The following ACP1 variants were observed in gnomAD, a reference collection of about 807,000 sequenced individuals.
ACP1 encodes the protein acid phosphatase 1.
Under a neutral mutation model 23.4 loss-of-function variants are expected in ACP1, and 23 were observed. That is an observed-to-expected ratio of 0.98 (90% CI 0.71 to 1.39). The LOEUF (loss-of-function observed/expected upper bound fraction) is 1.39, where lower values mean the gene tolerates loss of function less well. ACP1 is among the 40% of genes most tolerant of loss of function. The pLI, the probability that ACP1 is intolerant of heterozygous loss-of-function variation, is 0.00. For synonymous variants in ACP1, 72 were observed against 67.2 expected (o/e 1.07, Z -0.35); for missense variants, 180 against 197.7 (o/e 0.91, Z 0.54).
At chr2:269,917 C>T (rs756128228) in intron 1 of ACP1, among the ~76,000 whole-genome samples, 24 of 152,176 alleles carry the variant, frequency 1.6e-4, no homozygotes, top group Admixed American at 6.5e-5. Context: ...GCATCAAAAC[C>T]GTTTCCCTGG....
chr2:274,961 C>T, intron 3 of ACP1, 179 bp from the exon 4 acceptor site: 1 of 386,212 alleles, frequency 2.6e-6, no homozygotes, highest in Non-Finnish European at 4.6e-6. Flanking sequence ...CTTTGCAGTA[C>T]AATTTTGAGA....
Position 278,115 on chromosome 2 carries a change from A to G in ACP1, c.*811A>G, listed in dbSNP as rs1670227112. On this transcript the variant is annotated 3_prime_UTR_variant, in exon 6 of 6. Transcript: ENST00000272065. Reference sequence around the variant, plus strand: ...TTTAAAATAATTTTAAAAGTTGGGAAAAGTGTTATTATTTGGCATGCTTAA... The same window carrying G: ...TTTAAAATAATTTTAAAAGTTGGGAGAAGTGTTATTATTTGGCATGCTTAA... The G allele has an allele frequency of 6.6e-6, 1 of 152,240 alleles. No homozygotes were observed. Among genetic ancestry groups the G allele is most frequent in the African/African-American group, 2.4e-5 (1 of 41,456 alleles). The allele number at this position is 152,240 out of a possible 1,614,324, so 9.4% of individuals were successfully genotyped here.
In ACP1 at chr2:273,426, A is replaced by G. The variant is rs149647135; in HGVS notation, c.231+1276A>G. 3.5e-3 allele frequency among the ~76,000 whole-genome samples: 532 copies of G among 152,352 alleles called. 14 individuals carry two copies. The highest frequency in any genetic ancestry group is 0.031 in the Admixed American group (467 of 15,298). On this transcript the variant is annotated intron_variant, in intron 3 of 5. Coordinates refer to ENST00000272065, the MANE Select transcript of ACP1 (RefSeq NM_004300.4). ...AGTTTTAGCAGGAAGAGAAGTGGCA[A>G]GTGGCAGGAGTCTGCAGATTGGGGC...
intron 3 of ACP1, 67 bp downstream of exon 3, chr2:272,217 C>T: frequency 6.2e-7 from 1 of 1,614,196 alleles, no homozygotes. Context: ...GGTGCTGTTT[C>T]TGACTGGAAC....
Position 272,090 on chromosome 2 carries a change from C to T in ACP1, c.171C>T (p.Asp57=). The T allele has an allele frequency of 6.2e-7, 1 of 1,614,164 alleles. No homozygotes were observed. Among genetic ancestry groups the T allele is most frequent in the Non-Finnish European group, 8.5e-7 (1 of 1,180,034 alleles). The change falls in exon 3 of 6, where the codon GAC becomes GAT. Residue 57 remains aspartate (D), a synonymous_variant. Transcript: ENST00000272065. ...TSGYEIGNPP[D]YRGQSCMKRH... is the part of the protein sequence containing the mutation. ...GGTATGAGATAGGGAACCCCCCTGA[C>T]TACCGAGGGCAGAGCTGCATGAAGA...
intron 1 of ACP1, chr2:265,294 C>T (rs1669830777): frequency 2.5e-6 from 1 of 406,060 alleles, no homozygotes; most frequent in Admixed American, 4.6e-5. Flanking sequence ...TTCTTTGCGA[C>T]TACTAGAATC....
At chr2:271,997 G>GAA in intron 2 of ACP1, 40 bp from the exon 3 acceptor site, 2 of 1,148,146 alleles carry the variant, frequency 1.7e-6, no homozygotes, top group Admixed American at 2.4e-5. Context: ...GCAGGAAATT[G>GAA]CAAAAAAAAA....
Position 271,953 on chromosome 2 carries a change from A to C in ACP1, c.117+14A>C. ...ATCTCAGAGAATGTAAGTACCATTC[A>C]TTATCTTAAAGAGGCCAACCTGAAC... is the stretch of plus-strand genomic sequence containing the variant. On this transcript the variant is annotated intron_variant, in intron 2 of 5. Transcript: ENST00000272065. 1.9e-6 allele frequency: 3 copies of C among 1,611,048 alleles called. No homozygotes were observed. The highest frequency in any genetic ancestry group is 2.5e-6 in the Non-Finnish European group (3 of 1,177,950).
rs1670071497 is a variant in ACP1, at chr2:272,406, AG to A, written c.231+259del. The stretch of plus-strand genomic sequence containing the variant: ...TGTATATTAATGAATGTGTTTATTT[AG>A]GGTGAGCTTAACCAGCTATGGTGTG... On this transcript the variant is annotated intron_variant, in intron 3 of 5. Transcript: ENST00000272065. The A allele has an allele frequency of 4.0e-6, 6 of 1,495,526 alleles. No homozygotes were observed. In the South Asian group the frequency reaches 8.2e-5, roughly 20 times the overall value. The allele number at this position is 1,495,526 out of a possible 1,614,324, so 92.6% of individuals were successfully genotyped here.
At chr2:272,402 A>T in intron 3 of ACP1, 1 of 1,498,528 alleles carries the variant, frequency 6.7e-7, no homozygotes, top group Non-Finnish European at 8.9e-7. Flanking sequence ...GAATGTGTTT[A>T]TTTAGGGTGA....
At chr2:274,060 G>T (rs1279737464) in intron 3 of ACP1, among the ~76,000 whole-genome samples, 2 of 152,154 alleles carry the variant, frequency 1.3e-5, no homozygotes, top group Non-Finnish European at 2.9e-5. Flanking sequence ...CTGTTTGGGA[G>T]GCTGAGGTAG....
At chr2:268,176 C>T (rs1669939645) in intron 1 of ACP1, among the ~76,000 whole-genome samples, 1 of 152,192 alleles carries the variant, frequency 6.6e-6, no homozygotes, top group South Asian at 2.1e-4. Context: ...AGAGTTTCAG[C>T]TGTTGTTTTG....
Position 272,072 on chromosome 2 carries a change from GAT to G in ACP1, c.155_156del (p.Ile52ArgfsTer5). 1 of 1,614,040 alleles carries G rather than the reference GAT, an allele frequency of 6.2e-7. No individual in the cohort carries two copies. Among genetic ancestry groups the G allele is most frequent in the Non-Finnish European group, 8.5e-7 (1 of 1,180,022 alleles). Reference protein sequence around the residue: ...VDSAATSGYEIGNPPDYRGQS... With the variant: ...VDSAATSGYEXGNPPDYRGQS... ...ACAGCGCGGCAACTTCCGGGTATGA[GAT>G]AGGGAACCCCCCTGACTACCGAGGG... On this transcript the variant is annotated frameshift_variant, in exon 3 of 6. Transcript: ENST00000272065. LOFTEE classifies it high-confidence loss of function.
At chr2:276,561 G>A (rs1670178885) in intron 4 of ACP1, among the ~76,000 whole-genome samples, 1 of 152,204 alleles carries the variant, frequency 6.6e-6, no homozygotes, top group Non-Finnish European at 1.5e-5. Flanking sequence ...AGATGGAAGA[G>A]TAATTAAGGA....
chr2:265,137 T>C, intron 1 of ACP1, 130 bp downstream of exon 1: 1 of 1,148,568 alleles, frequency 8.7e-7, no homozygotes. Context: ...AGGCCTAGGG[T>C]GTTCTAGGAG....
intron 3 of ACP1, among the ~76,000 whole-genome samples, chr2:274,260 A>C (rs1042470491): frequency 5.9e-5 from 9 of 152,242 alleles, no homozygotes; most frequent in African/African-American, 1.9e-4. Context: ...TTTTCTAGCT[A>C]CTGGAAGTGC....
intron 3 of ACP1, chr2:272,550 C>G (rs1202375459): frequency 2.4e-6 from 3 of 1,256,858 alleles, no homozygotes; most frequent in Non-Finnish European, 3.2e-6. Flanking sequence ...TGACTGTGAG[C>G]TGGGGCTGAG....
At chr2:274,334 G>A (rs1024754787) in intron 3 of ACP1, among the ~76,000 whole-genome samples, 4 of 152,062 alleles carry the variant, frequency 2.6e-5, no homozygotes, top group Admixed American at 2.0e-4. Flanking sequence ...CCTTTGTTCC[G>A]CAGTACGTAT....
At position 277,277 on chromosome 2, in the gene ACP1, C is replaced by A; in HGVS notation, c.450C>A (p.Cys150Ter). The A allele has an allele frequency of 6.2e-7, 1 of 1,613,182 alleles. No individual in the cohort carries two copies. The highest frequency in any genetic ancestry group is 8.5e-7 in the Non-Finnish European group (1 of 1,180,046). ...TGTACCAGCAGTGTGTCAGGTGCTGCAGAGCGTTCTTGGAGAAGGCCCACT... is the reference window on the plus strand; with the variant it reads ...TGTACCAGCAGTGTGTCAGGTGCTGAAGAGCGTTCTTGGAGAAGGCCCACT... ...ETVYQQCVRCCRAFLEKAH is the reference protein window; with the variant it reads ...ETVYQQCVRC Residue 150 changes from cysteine (C) to a stop codon, truncating the protein, a stop_gained, in exon 6 of 6, where the codon TGC becomes TGA. Transcript: ENST00000272065. LOFTEE classifies it high-confidence loss of function.
Sources: gnomAD v4.1 joint callset for allele counts (sites outside exome capture counted in the v4.1 genomes callset) on GRCh38, gnomAD v4.1.1 for gene constraint, MANE v1.5 for transcripts, NCBI Gene and HGNC (gene_info 2026-07-23, HGNC 2026-07-21) for gene names.